USP53: variants seen among roughly 807,000 people sequenced by gnomAD.
USP53 encodes ubiquitin carboxyl-terminal hydrolase 53.
A neutral mutation model predicts 94.9 loss-of-function variants in USP53; 71 were observed. The observed-to-expected ratio is 0.75, with a 90% CI of 0.62 to 0.91. The LOEUF is 0.91. USP53 is among the 40% of genes least tolerant of loss of function. The pLI, the probability that USP53 is intolerant of heterozygous loss-of-function variation, is 0.00. For synonymous variants in USP53, 375 were observed against 422.7 expected, an observed-to-expected ratio of 0.89 and a Z score of 1.39; for missense variants, 1,173 against 1,281.0, an observed-to-expected ratio of 0.92 and a Z score of 1.29.
intron 12 of USP53, among the ~76,000 whole-genome samples, chr4:119,263,789 G>A (rs917966851): frequency 5.3e-5 from 8 of 152,042 alleles, no homozygotes; most frequent in South Asian, 2.1e-4. Flanking sequence ...AAACAAGGCC[G>A]GGCTGGTCAC....
chr4:119,219,483 T>C (rs1744225246), intron 3 of USP53: 1 of 152,262 alleles, frequency 6.6e-6, no homozygotes, highest in Non-Finnish European at 1.5e-5. Context: ...CTTAATCTGA[T>C]AACATTTTCA....
intron 3 of USP53, among the ~76,000 whole-genome samples, chr4:119,222,616 A>G (rs868002712): frequency 6.6e-6 from 1 of 152,132 alleles, no homozygotes; most frequent in Admixed American, 6.5e-5. Context: ...TGTCGTTGCA[A>G]CTGACTGGAT....
At position 119,292,505 on chromosome 4, in the gene USP53, C is replaced by CTGAGAGAAA; in HGVS notation, c.2516_2517insTGAGAGAAA (p.Thr839_Gly840insGluArgLys). ...CTTAATATAGAAAATTCTGAGAGAA[C>CTGAGAGAAA]AGGTTTGCCTTTTCACGTTGATAAC... On this transcript the variant is annotated inframe_insertion, in exon 19 of 19. Coordinates refer to ENST00000692078, the MANE Select transcript of USP53 (RefSeq NM_001371395.1). The CTGAGAGAAA allele has an allele frequency of 1.2e-6, 2 of 1,613,958 alleles. No individual in the cohort carries two copies. Among genetic ancestry groups the CTGAGAGAAA allele is most frequent in the South Asian group, 2.2e-5 (2 of 91,074 alleles).
chr4:119,271,910 A>G lies in USP53; in HGVS notation c.2050A>G (p.Thr684Ala). ...VHGDNWQMQR[T>A]ESGYESSDHI... ...TGGTGATAATTGGCAGATGCAAAGG[A>G]CTGAGTCTGGATATGAAAGCAGTGA... The change falls in exon 16 of 19, where the codon ACT becomes GCT. Residue 684 changes from threonine to alanine, a missense_variant. Transcript: ENST00000692078. 6.2e-7 allele frequency: 1 copy of G among 1,614,184 alleles called. No individual in the cohort carries two copies. The highest frequency in any genetic ancestry group is 2.2e-5 in the East Asian group (1 of 44,868).
intron 6 of USP53, among the ~76,000 whole-genome samples, chr4:119,247,052 A>G (rs979877742): frequency 2.0e-5 from 3 of 152,148 alleles, no homozygotes; most frequent in Non-Finnish European, 2.9e-5. Context: ...TTTTAAGAAC[A>G]TGGCCAAATA....
Position 119,261,736 on chromosome 4 carries a change from G to A in USP53, c.844G>A (p.Glu282Lys). 2 of 1,569,348 alleles carry A rather than the reference G, an allele frequency of 1.3e-6. No homozygotes were observed. The highest frequency in any genetic ancestry group is 1.3e-5 in the African/African-American group (1 of 74,500). Residue 282 changes from glutamate (E) to lysine (K), a missense_variant, in exon 12 of 19, where the codon GAA becomes AAA. By Grantham distance (56) the Glu-to-Lys change is moderately conservative. Coordinates refer to ENST00000692078, the MANE Select transcript of USP53 (RefSeq NM_001371395.1). ...LPGLFYRVTD[E>K]NAKNSELNLV... ...ACAGCTTTTTTATAGAGTTACTGAT[G>A]AAAATGCCAAAAATAGTGAACTTAA...
intron 7 of USP53, among the ~76,000 whole-genome samples, chr4:119,253,570 G>A (rs1749339453): frequency 6.6e-6 from 1 of 151,872 alleles, no homozygotes; most frequent in African/African-American, 2.4e-5. Context: ...CCATTTGCTT[G>A]GTAGATCTTC....
chr4:119,291,143 T>TGGG, intron 17 of USP53, 22 bp from the exon 18 acceptor site: 2 of 747,556 alleles, frequency 2.7e-6, no homozygotes, highest in Non-Finnish European at 2.1e-6. Context: ...TCATCTCTTC[T>TGGG]CCCCACCCCA....
In USP53 at chr4:119,294,172, AT is replaced by A. The variant is rs1755058883; in HGVS notation, c.*963del. On this transcript the variant is annotated 3_prime_UTR_variant, in exon 19 of 19. Transcript: ENST00000692078. Reference sequence around the variant, plus strand: ...AGGAATTAATGTAGGGCACCCTCTTATTGGGAATGTCACTGTAATTGCCTAC... The same window carrying A: ...AGGAATTAATGTAGGGCACCCTCTTATGGGAATGTCACTGTAATTGCCTAC... 1 of 152,006 alleles carries A rather than the reference AT, an allele frequency of 6.6e-6. No homozygotes were observed. The highest frequency in any genetic ancestry group is 1.5e-5 in the Non-Finnish European group (1 of 67,926). 9.4% of individuals were successfully genotyped at this position (152,006 alleles called of 1,614,324 possible).
intron 3 of USP53, among the ~76,000 whole-genome samples, chr4:119,226,517 C>CA (rs554019425): frequency 1.6e-4 from 24 of 151,572 alleles, no homozygotes; most frequent in African/African-American, 5.3e-4. Flanking sequence ...ACTATAATGT[C>CA]AAAAAAAGAT....
intron 17 of USP53, 121 bp downstream of exon 17, chr4:119,273,829 C>T: frequency 1.4e-6 from 1 of 722,240 alleles, no homozygotes. Flanking sequence ...TTAAATAACC[C>T]TAAAATATCA....
Position 119,292,686 on chromosome 4 carries a change from T to C in USP53, c.2697T>C (p.Cys899=), listed in dbSNP as rs555085427. ...TTGAGAACTCTCTATCCACAGAATG[T>C]ATAATTCGGTCAGCCAGCAGATCTG... ...CYFENSLSTE[C]IIRSASRSDG... is the part of the protein sequence containing the mutation. The change falls in exon 19 of 19, where the codon TGT becomes TGC. Residue 899 remains cysteine (C), a synonymous_variant. Coordinates refer to ENST00000692078, the MANE Select transcript of USP53 (RefSeq NM_001371395.1). The C allele has an allele frequency of 2.9e-5, 46 of 1,613,980 alleles. No homozygotes were observed. The highest frequency in any genetic ancestry group is 3.7e-5 in the Non-Finnish European group (44 of 1,179,986).
chr4:119,267,903 C>T (rs1205042979), intron 13 of USP53, among the ~76,000 whole-genome samples: 3 of 151,378 alleles, frequency 2.0e-5, no homozygotes, highest in Non-Finnish European at 2.9e-5. Flanking sequence ...CGCGGTGGCT[C>T]ACGCCTGTAA....
intron 9 of USP53, 103 bp downstream of exon 9, chr4:119,256,626 C>CA (rs1255824938): frequency 6.1e-6 from 7 of 1,147,474 alleles, no homozygotes; most frequent in Non-Finnish European, 7.7e-6. Context: ...TTTCCCCTCT[C>CA]TGTCTGAGGC....
In USP53 at chr4:119,293,668, A is replaced by G. The variant is rs1158592750; in HGVS notation, c.*457A>G. On this transcript the variant is annotated 3_prime_UTR_variant, in exon 19 of 19. Transcript: ENST00000692078. ...TACTCATGTATGGAGATTATAAACT[A>G]TGCTAATTGAAAAGTACCAGGTGAT... 4 of 152,810 alleles carry G rather than the reference A, an allele frequency of 2.6e-5. No homozygotes were observed. Among genetic ancestry groups the G allele is most frequent in the African/African-American group, 9.7e-5 (4 of 41,444 alleles). The allele number at this position is 152,810 out of a possible 1,614,324, so 9.5% of individuals were successfully genotyped here. A position where few individuals can be genotyped will look rare whatever the true frequency, so the allele number is the denominator to read the frequency against.
Position 119,233,177 on chromosome 4 carries a change from T to C in USP53, c.-664-2113T>C, listed in dbSNP as rs1013581173. Among the ~76,000 whole-genome samples, 12 of 146,762 alleles carry C rather than the reference T, an allele frequency of 8.2e-5. No homozygotes were observed. In the East Asian group the frequency reaches 1.2e-3, roughly 14 times the overall value. On this transcript the variant is annotated intron_variant, in intron 3 of 18. Transcript: ENST00000692078. ...TAGTGTTTATGTTTCTCTCTCTCTT[T>C]TTTTTTTTTAATCTTAATCAGGCTT...
chr4:119,267,713 A>G (rs904937485), intron 13 of USP53, among the ~76,000 whole-genome samples: 3 of 152,222 alleles, frequency 2.0e-5, no homozygotes, highest in African/African-American at 7.2e-5. Flanking sequence ...CAATCACAGA[A>G]GAGGCTTCAT....
rs560644690 is a variant in USP53 at position 119,293,973 on chromosome 4, C to A, written c.*762C>A. The A allele has an allele frequency of 1.3e-5, 2 of 151,814 alleles. No homozygotes were observed. Among genetic ancestry groups the A allele is most frequent in the Non-Finnish European group, 2.9e-5 (2 of 67,912 alleles). The allele number at this position is 151,814 out of a possible 1,614,324, so 9.4% of individuals were successfully genotyped here. A position where few individuals can be genotyped will look rare whatever the true frequency, so the allele number is the denominator to read the frequency against. On this transcript the variant is annotated 3_prime_UTR_variant, in exon 19 of 19. Coordinates refer to ENST00000692078, the MANE Select transcript of USP53 (RefSeq NM_001371395.1). Reference sequence around the variant, plus strand: ...GAATATCTAGTTAAGATAAATTAGGCCTTTGACTATTATAGGTATTCATAA... The same window carrying A: ...GAATATCTAGTTAAGATAAATTAGGACTTTGACTATTATAGGTATTCATAA...
chr4:119,260,738 G>A (rs1298586799), intron 11 of USP53, 85 bp downstream of exon 11: 1 of 1,501,618 alleles, frequency 6.7e-7, no homozygotes, highest in Non-Finnish European at 9.1e-7. Context: ...ATAACGACAA[G>A]TTTAATCAAA....
Sources: gnomAD v4.1 joint callset for allele counts (sites outside exome capture counted in the v4.1 genomes callset) on GRCh38, gnomAD v4.1.1 for gene constraint, MANE v1.5 for transcripts, NCBI Gene and HGNC (gene_info 2026-07-23, HGNC 2026-07-21) for gene names.